TUT4: variants seen among roughly 807,000 people sequenced by gnomAD.
The protein encoded by TUT4 is terminal uridylyl transferase 4, also known as terminal uridylyltransferase 4.
A neutral mutation model predicts 192.2 loss-of-function variants in TUT4; 36 were observed. The observed-to-expected ratio is 0.19, with a 90% CI of 0.14 to 0.25. The LOEUF (loss-of-function observed/expected upper bound fraction) is 0.25, where lower values mean the gene tolerates loss of function less well. TUT4 is among the 10% of genes least tolerant of loss of function. TUT4 has a pLI of 1.00. For missense variants in TUT4, 1,493 were observed against 1,957.2 expected (o/e 0.76, Z 4.47); for synonymous variants, 618 against 666.0 (o/e 0.93, Z 1.11).
chr1:52,423,732 A>C lies in TUT4; in HGVS notation c.*203T>G. Reference sequence around the variant, plus strand: ...GTTCATATTTATATACAAATAATACAGTCTGTAAAAACAGTCTTAGAATTT... The same window carrying C: ...GTTCATATTTATATACAAATAATACCGTCTGTAAAAACAGTCTTAGAATTT... On this transcript the variant is annotated 3_prime_UTR_variant, in exon 30 of 30. Coordinates refer to ENST00000257177, the MANE Select transcript of TUT4 (RefSeq NM_001009881.3). 8.1e-7 allele frequency: 1 copy of C among 1,236,906 alleles called. No individual in the cohort carries two copies. The highest frequency in any genetic ancestry group is 1.4e-5 in the South Asian group (1 of 73,644). 76.6% of individuals were successfully genotyped at this position (1,236,906 alleles called of 1,614,324 possible).
At chr1:52,441,936 A>T (rs1337125687) in intron 24 of TUT4, among the ~76,000 whole-genome samples, 1 of 152,012 alleles carries the variant, frequency 6.6e-6, no homozygotes, top group African/African-American at 2.4e-5. Context: ...TGGGAGGCCG[A>T]GGCGGGCAAT....
chr1:52,461,118 A>T lies in TUT4; in HGVS notation c.3321+16T>A, dbSNP rs775804896. 1.2e-5 allele frequency: 19 copies of T among 1,544,794 alleles called. No individual in the cohort carries two copies. Among genetic ancestry groups the T allele is most frequent in the Non-Finnish European group, 1.6e-5 (18 of 1,140,998 alleles). ...TTATCATGAACAAAGCAGATCATTAATTTTTTCATAAATACCTTAGCAAAC... is the reference window on the plus strand; with the variant it reads ...TTATCATGAACAAAGCAGATCATTATTTTTTTCATAAATACCTTAGCAAAC... On this transcript the variant is annotated intron_variant, in intron 19 of 29. Transcript: ENST00000257177.
At chr1:52,429,411 T>C (rs1003165819) in intron 28 of TUT4, among the ~76,000 whole-genome samples, 1 of 151,448 alleles carries the variant, frequency 6.6e-6, no homozygotes, top group Non-Finnish European at 1.5e-5. Flanking sequence ...TCAGGCACAG[T>C]GGTGTGTGCC....
At chr1:52,503,646 T>C (rs1557873876) in intron 4 of TUT4, among the ~76,000 whole-genome samples, 1 of 152,174 alleles carries the variant, frequency 6.6e-6, no homozygotes. Flanking sequence ...CCCAAACCCC[T>C]GGGCTCAAGC....
At chr1:52,493,573 T>TAAA (rs747524454) in intron 7 of TUT4, 38 bp downstream of exon 7, 46 of 1,043,536 alleles carry the variant, frequency 4.4e-5, no homozygotes, top group Non-Finnish European at 5.0e-5. Flanking sequence ...AAAGACAAAT[T>TAAA]AAAAAAAAAA....
chr1:52,515,147 T>A (rs1048046420), intron 3 of TUT4: 1 of 152,192 alleles, frequency 6.6e-6, no homozygotes, highest in African/African-American at 2.4e-5. Context: ...TATTTCTAGA[T>A]TAAGAAATTA....
At chr1:52,515,734 A>G in intron 3 of TUT4, 157 bp downstream of exon 3, 1 of 809,698 alleles carries the variant, frequency 1.2e-6, no homozygotes, top group Non-Finnish European at 2.0e-6. Flanking sequence ...AAGGAAGAAA[A>G]GAGGGAAAGA....
At chr1:52,487,449 CA>C (rs796461855) in intron 9 of TUT4, among the ~76,000 whole-genome samples, 2 of 149,618 alleles carry the variant, frequency 1.3e-5, no homozygotes, top group African/African-American at 4.9e-5. Context: ...TCTCAAAAAA[CA>C]AAAAAAAACT....
chr1:52,461,400 G>T (rs1662515016), intron 18 of TUT4, 113 bp downstream of exon 18: 2 of 1,189,408 alleles, frequency 1.7e-6, no homozygotes, highest in South Asian at 1.6e-5. Flanking sequence ...AAGATAACTA[G>T]TAAAATACTT....
At chr1:52,524,093 C>G (rs534829593) in intron 2 of TUT4, among the ~76,000 whole-genome samples, 1 of 152,200 alleles carries the variant, frequency 6.6e-6, no homozygotes, top group South Asian at 2.1e-4. Flanking sequence ...CAGGATCCCA[C>G]AACAAAATGA....
intron 4 of TUT4, among the ~76,000 whole-genome samples, chr1:52,507,780 T>TACTTA (rs1373712850): frequency 6.6e-6 from 1 of 152,178 alleles, no homozygotes; most frequent in Non-Finnish European, 1.5e-5. Flanking sequence ...GGATAAGGTA[T>TACTTA]ACTCAATCTG....
intron 28 of TUT4, among the ~76,000 whole-genome samples, chr1:52,425,883 T>C (rs1649739271): frequency 6.6e-6 from 1 of 151,732 alleles, no homozygotes; most frequent in Non-Finnish European, 1.5e-5. Flanking sequence ...GGGGGGCATT[T>C]CAGAGAGAAG....
intron 14 of TUT4, among the ~76,000 whole-genome samples, chr1:52,471,411 CCA>C (rs944620102): frequency 1.3e-5 from 2 of 152,174 alleles, no homozygotes; most frequent in African/African-American, 4.8e-5. Flanking sequence ...CTAATCCACC[CCA>C]GATAAAATTG....
intron 20 of TUT4, among the ~76,000 whole-genome samples, chr1:52,454,655 T>C (rs1387268529): frequency 1.3e-5 from 2 of 152,180 alleles, no homozygotes; most frequent in Non-Finnish European, 1.5e-5. Flanking sequence ...ACCTTGAGTA[T>C]AGTGATATCT....
chr1:52,486,403 A>G (rs1001786467), intron 9 of TUT4, among the ~76,000 whole-genome samples: 2 of 152,156 alleles, frequency 1.3e-5, no homozygotes, highest in African/African-American at 4.8e-5. Context: ...TGCAAAGACT[A>G]TAACTACTTA....
intron 4 of TUT4, among the ~76,000 whole-genome samples, chr1:52,504,824 CACA>C (rs1372092410): frequency 6.6e-6 from 1 of 152,196 alleles, no homozygotes; most frequent in East Asian, 1.9e-4. Context: ...AGTGGAATCA[CACA>C]CTATTTTTCG....
At chr1:52,547,722 C>A (rs1363715166) in intron 1 of TUT4, among the ~76,000 whole-genome samples, 1 of 152,114 alleles carries the variant, frequency 6.6e-6, no homozygotes, top group East Asian at 1.9e-4. Flanking sequence ...TACACTATGG[C>A]CAACCTTGAA....
At chr1:52,491,421 G>A (rs1671110716) in intron 7 of TUT4, among the ~76,000 whole-genome samples, 1 of 152,170 alleles carries the variant, frequency 6.6e-6, no homozygotes, top group Admixed American at 6.5e-5. Context: ...CGGGCATGGT[G>A]GCTCACACCT....
chr1:52,484,690 T>A (rs1669356246), intron 9 of TUT4, among the ~76,000 whole-genome samples: 1 of 152,224 alleles, frequency 6.6e-6, no homozygotes, highest in Admixed American at 6.5e-5. Flanking sequence ...GTACACTAGA[T>A]CATCTGAGCA....
Sources: allele counts gnomAD v4.1 joint callset (sites outside exome capture counted in the v4.1 genomes callset), GRCh38; gene constraint gnomAD v4.1.1; transcripts MANE v1.5; gene names NCBI Gene and HGNC (gene_info 2026-07-23, HGNC 2026-07-21).